Variants in CPT1A observed in about 807,000 individuals in gnomAD.
The protein encoded by CPT1A is carnitine O-palmitoyltransferase 1, liver isoform.
CPT1A carries 64 observed loss-of-function variants against 100.8 expected under a neutral mutation model. The ratio of observed to expected loss-of-function variants is 0.63; its 90% CI spans 0.52 to 0.78. The LOEUF is 0.78. Ranked by LOEUF, CPT1A falls within the 30% of genes least tolerant of loss-of-function variation. The probability of loss-of-function intolerance (pLI) is 0.00; values close to 1 mark genes in which losing one functional copy is unlikely to be tolerated. For synonymous variants in CPT1A, 363 were observed against 396.0 expected, an observed-to-expected ratio of 0.92 and a Z score of 0.99; for missense variants, 802 against 1,034.1, an observed-to-expected ratio of 0.78 and a Z score of 3.08.
chr11:68,825,084 G>C (rs543993190), intron 1 of CPT1A, among the ~76,000 whole-genome samples: 5 of 152,158 alleles, frequency 3.3e-5, no homozygotes, highest in Admixed American at 6.5e-5. Context: ...ACTGTGCCCA[G>C]CCTAATTTTA....
intron 12 of CPT1A, 60 bp downstream of exon 12, chr11:68,780,580 G>T: frequency 6.8e-7 from 1 of 1,468,944 alleles, no homozygotes; most frequent in Non-Finnish European, 9.5e-7. Flanking sequence ...CACTGCGCCT[G>T]GCCAGGTTTG....
At chr11:68,785,664 G>T (rs1460498930) in intron 9 of CPT1A, 2 of 176,068 alleles carry the variant, frequency 1.1e-5, no homozygotes, top group Non-Finnish European at 2.3e-5. Flanking sequence ...TCAGTAAAAT[G>T]GAGGTCATAT....
chr11:68,809,662 T>C (rs1856144588), intron 3 of CPT1A, among the ~76,000 whole-genome samples: 2 of 151,962 alleles, frequency 1.3e-5, no homozygotes, highest in African/African-American at 2.4e-5. Context: ...CCAGAGATAC[T>C]GCAGATCCCC....
chr11:68,773,230 T>C, intron 14 of CPT1A, 35 bp downstream of exon 14: 1 of 1,612,350 alleles, frequency 6.2e-7, no homozygotes, highest in Non-Finnish European at 8.5e-7. Context: ...ACCCCCAAAG[T>C]GCTCACGACA....
intron 1 of CPT1A, among the ~76,000 whole-genome samples, chr11:68,820,780 A>G (rs1594368681): frequency 6.6e-6 from 1 of 151,806 alleles, no homozygotes; most frequent in Admixed American, 6.6e-5. Context: ...GACGTGAATC[A>G]CCCCTTTGCC....
At chr11:68,773,554 G>T in intron 13 of CPT1A, 125 bp from the exon 14 acceptor site, 1 of 1,529,314 alleles carries the variant, frequency 6.5e-7, no homozygotes. Flanking sequence ...GTACACAAAC[G>T]TTTTCCTGAC....
At chr11:68,789,498 G>C (rs545129110) in intron 9 of CPT1A, among the ~76,000 whole-genome samples, 1 of 152,176 alleles carries the variant, frequency 6.6e-6, no homozygotes, top group South Asian at 2.1e-4. Flanking sequence ...CCAGGTTCAA[G>C]TGATTCTCCT....
Position 68,758,611 on chromosome 11 carries a change from AT to A in CPT1A, c.2236-882del, listed in dbSNP as rs1396222857. On this transcript the variant is annotated intron_variant, in intron 18 of 18. Coordinates refer to ENST00000265641, the MANE Select transcript of CPT1A (RefSeq NM_001876.4). The stretch of plus-strand genomic sequence containing the variant: ...AAACATGTTAAACCAAATTAGATAC[AT>A]TTCCTTTTTTTTTTTTTTTTTTCTG... 1.5e-4 allele frequency among the ~76,000 whole-genome samples: 21 copies of A among 140,690 alleles called. No individual in the cohort carries two copies. The East Asian group carries it at 2.1e-3, about 14-fold the overall frequency. The allele number at this position is 140,690 out of a possible 152,430, so 92.3% of individuals were successfully genotyped here.
intron 7 of CPT1A, among the ~76,000 whole-genome samples, chr11:68,796,366 G>A (rs920931836): frequency 6.6e-6 from 1 of 152,106 alleles, no homozygotes; most frequent in Non-Finnish European, 1.5e-5. Flanking sequence ...AGACCAGCCT[G>A]GATAACATGG....
intron 14 of CPT1A, among the ~76,000 whole-genome samples, chr11:68,766,125 C>T (rs966890762): frequency 6.6e-6 from 1 of 152,086 alleles, no homozygotes; most frequent in African/African-American, 2.4e-5. Flanking sequence ...CCTGTCTCAG[C>T]CTCCCAAAGT....
rs1855771999 is a variant in CPT1A, at chr11:68,796,989, C to T, written c.694-56G>A. On this transcript the variant is annotated intron_variant, in intron 6 of 18. Coordinates refer to ENST00000265641, the MANE Select transcript of CPT1A (RefSeq NM_001876.4). ...AGGCTCAGCAGGGGCCAGGCAGGCT[C>T]CCTGGCAGCAGCCCAGAGCCGCGGG... The T allele has an allele frequency of 3.2e-6, 5 of 1,577,886 alleles. 1 individual carries two copies. In the South Asian group the frequency reaches 5.6e-5, roughly 18 times the overall value.
At position 68,808,639 on chromosome 11, in the gene CPT1A, G is replaced by A. The variant is rs997092302; in HGVS notation, c.282-1001C>T. Among the ~76,000 whole-genome samples the A allele has an allele frequency of 6.6e-5, 10 of 152,064 alleles. No individual in the cohort carries two copies. In the South Asian group the frequency reaches 8.3e-4, roughly 13 times the overall value. ...CCGCCTCGGCCTCCCAAAGTGCTGG[G>A]ATTATAGGTGTGTGCCACTGTGCCT... On this transcript the variant is annotated intron_variant, in intron 3 of 18. Coordinates refer to ENST00000265641, the MANE Select transcript of CPT1A (RefSeq NM_001876.4).
chr11:68,837,840 G>C (rs1460145189), intron 1 of CPT1A, among the ~76,000 whole-genome samples: 1 of 152,068 alleles, frequency 6.6e-6, no homozygotes, highest in Non-Finnish European at 1.5e-5. Flanking sequence ...GAAAAAAAAA[G>C]AAAGGATGTC....
intron 9 of CPT1A, among the ~76,000 whole-genome samples, chr11:68,788,722 A>T (rs1855538874): frequency 2.0e-5 from 3 of 148,068 alleles, no homozygotes; most frequent in Admixed American, 6.8e-5. Context: ...TCCATTTTTA[A>T]AAAATATACA....
At position 68,812,502 on chromosome 11, in the gene CPT1A, C is replaced by A. The variant is rs759964195; in HGVS notation, c.216G>T (p.Thr72=). 1 of 1,614,182 alleles carries A rather than the reference C, an allele frequency of 6.2e-7. No individual in the cohort carries two copies. The highest frequency in any genetic ancestry group is 1.1e-5 in the South Asian group (1 of 91,084). Residue 72 remains threonine, a synonymous_variant, in exon 3 of 19, where the codon ACG becomes ACT. Coordinates refer to ENST00000265641, the MANE Select transcript of CPT1A (RefSeq NM_001876.4). ...WLIVVVGVMT[T]MYAKIDPSLG... is the part of the protein sequence containing the mutation. ...ACGAGGGGTCGATCTTGGCGTACAT[C>A]GTTGTCATCACGCCCACCACCACGA...
chr11:68,794,932 A>C, intron 7 of CPT1A, 21 bp from the exon 8 acceptor site: 1 of 1,593,602 alleles, frequency 6.3e-7, no homozygotes, highest in South Asian at 1.1e-5. Flanking sequence ...ACAAAGGTGG[A>C]GAGAATTTGC....
intron 9 of CPT1A, among the ~76,000 whole-genome samples, chr11:68,787,634 G>C (rs1459644610): frequency 1.3e-5 from 2 of 151,806 alleles, no homozygotes; most frequent in African/African-American, 4.8e-5. Flanking sequence ...CTATGTGACT[G>C]TGTCCTTTTA....
chr11:68,815,190 G>A, intron 2 of CPT1A, 144 bp downstream of exon 2: 2 of 802,494 alleles, frequency 2.5e-6, no homozygotes, highest in Non-Finnish European at 4.1e-6. Context: ...CTATGTGACG[G>A]TGTCCCCAAG....
intron 8 of CPT1A, among the ~76,000 whole-genome samples, chr11:68,794,121 A>C (rs962481042): frequency 6.6e-6 from 1 of 152,214 alleles, no homozygotes; most frequent in Non-Finnish European, 1.5e-5. Context: ...AGGAGACACA[A>C]GGAGAATTAC....
Sources: allele counts gnomAD v4.1 joint callset (sites outside exome capture counted in the v4.1 genomes callset), GRCh38; gene constraint gnomAD v4.1.1; transcripts MANE v1.5; gene names NCBI Gene and HGNC (gene_info 2026-07-23, HGNC 2026-07-21).